Variants in OXCT2 observed in about 807,000 individuals in gnomAD.
The protein encoded by OXCT2 is succinyl-CoA:3-ketoacid coenzyme A transferase 2, mitochondrial.
For synonymous variants in OXCT2, 110 were observed against 298.4 expected, an observed-to-expected ratio of 0.37 and a Z score of 6.51; for missense variants, 317 against 695.7, an observed-to-expected ratio of 0.46 and a Z score of 6.12.
rs1649899740 is a variant in OXCT2, at chr1:39,770,637, A to G, written c.619T>C (p.Phe207Leu). 1 of 1,549,520 alleles carries G rather than the reference A, an allele frequency of 6.5e-7. No homozygotes were observed. The highest frequency in any genetic ancestry group is 8.7e-7 in the Non-Finnish European group (1 of 1,145,856). Reference sequence around the variant, plus strand: ...GCCTTCCACCCTTTCACCAGGGCGAAGTCTGCCCGGATGGCGCGCTCCAAA... The same window carrying G: ...GCCTTCCACCCTTTCACCAGGGCGAGGTCTGCCCGGATGGCGCGCTCCAAA... Reference protein sequence around the residue: ...FLLERAIRADFALVKGWKADR... With the variant: ...FLLERAIRADLALVKGWKADR... Residue 207 changes from phenylalanine to leucine, a missense_variant, in exon 1 of 1, where the codon TTC becomes CTC. By Grantham distance (22) the Phe-to-Leu change is conservative. Coordinates refer to ENST00000327582, the MANE Select transcript of OXCT2 (RefSeq NM_022120.2).
At position 39,771,152 on chromosome 1, in the gene OXCT2, C is replaced by T. The variant is rs1207251299; in HGVS notation, c.104G>A (p.Ser35Asn). The change falls in exon 1 of 1, where the codon AGT (serine) becomes AAT (asparagine). Residue 35 changes from serine to asparagine, a missense_variant. By Grantham distance (46) the Ser-to-Asn change is conservative. Coordinates refer to ENST00000327582, the MANE Select transcript of OXCT2 (RefSeq NM_022120.2). ...SQGCARCFAT[S>N]PRLRAKFYAD... ...GTAGAACTTGGCACGGAGCCGGGGA[C>T]TGGTGGCAAAGCAGCGGGCGCAGCC... is the stretch of plus-strand genomic sequence containing the variant. 3 of 1,556,100 alleles carry T rather than the reference C, an allele frequency of 1.9e-6. 1 individual carries two copies. The highest frequency in any genetic ancestry group is 2.6e-6 in the Non-Finnish European group (3 of 1,139,844).
rs775569937 is a variant in OXCT2 at position 39,770,090 on chromosome 1, C to G, written c.1166G>C (p.Gly389Ala). The stretch of plus-strand genomic sequence containing the variant: ...TCCAAGCATGGTTAGTTGGATGTGT[C>G]CCCCTCGGATCATGGCGAAGGAGTC... ...SDDSFAMIRGGHIQLTMLGAM... is the reference protein window; with the variant it reads ...SDDSFAMIRGAHIQLTMLGAM... Residue 389 changes from glycine to alanine, a missense_variant, in exon 1 of 1, where the codon GGA becomes GCA. Transcript: ENST00000327582. 2 of 1,221,306 alleles carry G rather than the reference C, an allele frequency of 1.6e-6. No homozygotes were observed. Among genetic ancestry groups the G allele is most frequent in the Admixed American group, 2.4e-5 (1 of 41,602 alleles). 75.7% of individuals were successfully genotyped at this position (1,221,306 alleles called of 1,614,324 possible).
chr1:39,770,513 A>T lies in OXCT2; in HGVS notation c.743T>A (p.Ile248Asn), dbSNP rs774478441. 5.6e-6 allele frequency: 9 copies of T among 1,610,302 alleles called. No individual in the cohort carries two copies. The South Asian group carries it at 8.8e-5, about 16-fold the overall frequency. Reference protein sequence around the residue: ...ADVTAVEVEEIVEVGAFPPED... With the variant: ...ADVTAVEVEENVEVGAFPPED... Reference sequence around the variant, plus strand: ...TGGGGGGAAAGCCCCCACCTCCACGATCTCTTCCACCTCCACCGCCGTGAC... The same window carrying T: ...TGGGGGGAAAGCCCCCACCTCCACGTTCTCTTCCACCTCCACCGCCGTGAC... The change falls in exon 1 of 1, where the codon ATC becomes AAC. Residue 248 changes from isoleucine to asparagine, a missense_variant. Physicochemically the swap from Ile to Asn is moderately radical, Grantham distance 149 (BLOSUM62 -3). Transcript: ENST00000327582.
Position 39,770,181 on chromosome 1 carries a change from C to A in OXCT2, c.1075G>T (p.Asp359Tyr). ...PFPTEDEVDA[D>Y]LINAGKQTVT... is the part of the protein sequence containing the mutation. ...GTCTGCTTGCCTGCATTGATGAGGT[C>A]GGCATCCACCTCATCTTCCGTGGGA... Residue 359 changes from aspartate (D) to tyrosine (Y), a missense_variant, in exon 1 of 1, where the codon GAC (aspartate) becomes TAC (tyrosine). Physicochemically the swap from Asp to Tyr is radical, Grantham distance 160. Coordinates refer to ENST00000327582, the MANE Select transcript of OXCT2 (RefSeq NM_022120.2). 1.5e-6 allele frequency: 2 copies of A among 1,311,968 alleles called. No individual in the cohort carries two copies. Among genetic ancestry groups the A allele is most frequent in the South Asian group, 2.8e-5 (2 of 71,408 alleles). 81.3% of individuals were successfully genotyped at this position (1,311,968 alleles called of 1,614,324 possible).
In OXCT2 at chr1:39,770,846, G is replaced by A. The variant is rs1337710216; in HGVS notation, c.410C>T (p.Pro137Leu). The A allele has an allele frequency of 1.3e-6, 1 of 781,684 alleles. No individual in the cohort carries two copies. Among genetic ancestry groups the A allele is most frequent in the East Asian group, 2.8e-5 (1 of 36,260 alleles). 48.4% of individuals were successfully genotyped at this position (781,684 alleles called of 1,614,324 possible). ...LAGELELELT[P>L]QGTLAERIRA... Reference sequence around the variant, plus strand: ...GATGCGCTCGGCCAGGGTGCCCTGGGGCGTGAGCTCCAGCTCCAGCTCTCC... The same window carrying A: ...GATGCGCTCGGCCAGGGTGCCCTGGAGCGTGAGCTCCAGCTCCAGCTCTCC... The change falls in exon 1 of 1, where the codon CCC (proline) becomes CTC (leucine). Residue 137 changes from proline (P) to leucine (L), a missense_variant. Pro to Leu is a moderately conservative substitution (Grantham distance 98, BLOSUM62 -3). Coordinates refer to ENST00000327582, the MANE Select transcript of OXCT2 (RefSeq NM_022120.2).
rs1569819115 is a variant in OXCT2 at position 39,770,140 on chromosome 1, G to A, written c.1116C>T (p.Pro372=). 3 of 1,227,150 alleles carry A rather than the reference G, an allele frequency of 2.4e-6. No homozygotes were observed. Among genetic ancestry groups the A allele is most frequent in the Non-Finnish European group, 3.3e-6 (3 of 910,908 alleles). 76.0% of individuals were successfully genotyped at this position (1,227,150 alleles called of 1,614,324 possible). The part of the protein sequence containing the change: ...NAGKQTVTVL[P]GGCFFASDDS... ...CGTCGCTGGCGAAGAAGCAGCCCCC[G>A]GGAAGCACCGTGACCGTCTGCTTGC... Residue 372 remains proline, a synonymous_variant, in exon 1 of 1, where the codon CCC becomes CCT. Coordinates refer to ENST00000327582, the MANE Select transcript of OXCT2 (RefSeq NM_022120.2).
chr1:39,770,808 C>T lies in OXCT2; in HGVS notation c.448G>A (p.Ala150Thr), dbSNP rs1334229975. 1.3e-6 allele frequency: 1 copy of T among 799,976 alleles called. No individual in the cohort carries two copies. The highest frequency in any genetic ancestry group is 1.8e-6 in the Non-Finnish European group (1 of 541,480). The allele number at this position is 799,976 out of a possible 1,614,324, so 49.6% of individuals were successfully genotyped here. Residue 150 changes from alanine to threonine, a missense_variant, in exon 1 of 1, where the codon GCC (alanine) becomes ACC (threonine). Ala to Thr is a moderately conservative substitution (Grantham distance 58). Transcript: ENST00000327582. ...GGGGTGTAGAAGGCGGGCACCCCGG[C>T]GCCCCCCGCGCGGATGCGCTCGGCC... ...TLAERIRAGG[A>T]GVPAFYTPTG...
chr1:39,770,375 T>A lies in OXCT2; in HGVS notation c.881A>T (p.Lys294Met), dbSNP rs751388707. The A allele has an allele frequency of 2.5e-6, 4 of 1,598,282 alleles. No individual in the cohort carries two copies. The highest frequency in any genetic ancestry group is 3.4e-6 in the Non-Finnish European group (4 of 1,176,202). The stretch of plus-strand genomic sequence containing the variant: ...GATGCGCGTCCTGGCGTCCTCTTCC[T>A]TTCCAGCGTCTCCATCTTCCTCTTT... Reference protein sequence around the residue: ...ILKEEDGDAGKEEDARTRIIR... With the variant: ...ILKEEDGDAGMEEDARTRIIR... The change falls in exon 1 of 1, where the codon AAG (lysine) becomes ATG (methionine). Residue 294 changes from lysine to methionine, a missense_variant. Lys to Met is a moderately conservative substitution (Grantham distance 95). Coordinates refer to ENST00000327582, the MANE Select transcript of OXCT2 (RefSeq NM_022120.2).
chr1:39,770,610 C>T lies in OXCT2; in HGVS notation c.646G>A (p.Asp216Asn), dbSNP rs768546307. The change falls in exon 1 of 1, where the codon GAC (aspartate) becomes AAC (asparagine). Residue 216 changes from aspartate to asparagine, a missense_variant. Physicochemically the swap from Asp to Asn is conservative, Grantham distance 23. Coordinates refer to ENST00000327582, the MANE Select transcript of OXCT2 (RefSeq NM_022120.2). ...DFALVKGWKA[D>N]RAGNVVFRRS... ...CTGAAGACCACGTTTCCTGCCCGGT[C>T]GGCCTTCCACCCTTTCACCAGGGCG... is the stretch of plus-strand genomic sequence containing the variant. 6.4e-5 allele frequency: 102 copies of T among 1,590,828 alleles called. 1 individual carries two copies. In the Admixed American group the frequency reaches 1.7e-3, roughly 27 times the overall value.
Position 39,770,454 on chromosome 1 carries a change from G to A in OXCT2, c.802C>T (p.Arg268Cys). The A allele has an allele frequency of 1.2e-6, 2 of 1,609,574 alleles. No homozygotes were observed. Among genetic ancestry groups the A allele is most frequent in the Non-Finnish European group, 1.7e-6 (2 of 1,179,146 alleles). ...DIHVPNIYVDRVIKGQKYEKR... is the reference protein window; with the variant it reads ...DIHVPNIYVDCVIKGQKYEKR... ...TCGTATTTCTGCCCCTTTATCACGC[G>A]ATCTACATAAATGTTAGGAACGTGG... is the stretch of plus-strand genomic sequence containing the variant. The change falls in exon 1 of 1, where the codon CGC becomes TGC. Residue 268 changes from arginine to cysteine, a missense_variant. Arg to Cys is a radical substitution (Grantham distance 180). Transcript: ENST00000327582.
chr1:39,770,378 C>G lies in OXCT2; in HGVS notation c.878G>C (p.Gly293Ala), dbSNP rs1649871997. 6.3e-7 allele frequency: 1 copy of G among 1,598,496 alleles called. No homozygotes were observed. The highest frequency in any genetic ancestry group is 1.5e-5 in the African/African-American group (1 of 67,664). The change falls in exon 1 of 1, where the codon GGA becomes GCA. Residue 293 changes from glycine to alanine, a missense_variant. By Grantham distance (60) the Gly-to-Ala change is moderately conservative (BLOSUM62 0). Transcript: ENST00000327582. Reference sequence around the variant, plus strand: ...GCGCGTCCTGGCGTCCTCTTCCTTTCCAGCGTCTCCATCTTCCTCTTTCAG... The same window carrying G: ...GCGCGTCCTGGCGTCCTCTTCCTTTGCAGCGTCTCCATCTTCCTCTTTCAG... ...TILKEEDGDA[G>A]KEEDARTRII...
At position 39,770,111 on chromosome 1, in the gene OXCT2, G is replaced by C; in HGVS notation, c.1145C>G (p.Ser382Cys). The C allele has an allele frequency of 8.2e-7, 1 of 1,215,158 alleles. No individual in the cohort carries two copies. Among genetic ancestry groups the C allele is most frequent in the Non-Finnish European group, 1.1e-6 (1 of 899,586 alleles). 75.3% of individuals were successfully genotyped at this position (1,215,158 alleles called of 1,614,324 possible). Residue 382 changes from serine (S) to cysteine (C), a missense_variant, in exon 1 of 1, where the codon TCC becomes TGC. Ser to Cys is a moderately radical substitution (Grantham distance 112). Transcript: ENST00000327582. Reference protein sequence around the residue: ...PGGCFFASDDSFAMIRGGHIQ... With the variant: ...PGGCFFASDDCFAMIRGGHIQ... ...GTGTCCCCCTCGGATCATGGCGAAGGAGTCGTCGCTGGCGAAGAAGCAGCC... is the reference window on the plus strand; with the variant it reads ...GTGTCCCCCTCGGATCATGGCGAAGCAGTCGTCGCTGGCGAAGAAGCAGCC...
Position 39,771,159 on chromosome 1 carries a change from C to G in OXCT2, c.97G>C (p.Ala33Pro), listed in dbSNP as rs1429539839. Residue 33 changes from alanine to proline, a missense_variant, in exon 1 of 1, where the codon GCC becomes CCC. Coordinates refer to ENST00000327582, the MANE Select transcript of OXCT2 (RefSeq NM_022120.2). Reference protein sequence around the residue: ...ALSQGCARCFATSPRLRAKFY... With the variant: ...ALSQGCARCFPTSPRLRAKFY... ...TTGGCACGGAGCCGGGGACTGGTGG[C>G]AAAGCAGCGGGCGCAGCCCTGGGAC... 6.4e-7 allele frequency: 1 copy of G among 1,554,908 alleles called. No individual in the cohort carries two copies.
In OXCT2 at chr1:39,769,619, A is replaced by T. The variant is rs1349514398; in HGVS notation, c.*83T>A. On this transcript the variant is annotated 3_prime_UTR_variant, in exon 1 of 1. Coordinates refer to ENST00000327582, the MANE Select transcript of OXCT2 (RefSeq NM_022120.2). Reference sequence around the variant, plus strand: ...AGGAGGCCAGTAGCAAACCCCTCCCAGAGCTGGGGACATGTATTCCCCTGG... The same window carrying T: ...AGGAGGCCAGTAGCAAACCCCTCCCTGAGCTGGGGACATGTATTCCCCTGG... 1.2e-5 allele frequency: 18 copies of T among 1,440,760 alleles called. No individual in the cohort carries two copies. The highest frequency in any genetic ancestry group is 2.9e-5 in the African/African-American group (2 of 69,192). 89.2% of individuals were successfully genotyped at this position (1,440,760 alleles called of 1,614,324 possible).
At position 39,770,650 on chromosome 1, in the gene OXCT2, G is replaced by C; in HGVS notation, c.606C>G (p.Ala202=). 6.6e-7 allele frequency: 1 copy of C among 1,518,424 alleles called. No homozygotes were observed. The highest frequency in any genetic ancestry group is 8.9e-7 in the Non-Finnish European group (1 of 1,126,514). The allele number at this position is 1,518,424 out of a possible 1,614,324, so 94.1% of individuals were successfully genotyped here. A position where few individuals can be genotyped will look rare whatever the true frequency, so the allele number is the denominator to read the frequency against. ...FNGDHFLLER[A]IRADFALVKG... The stretch of plus-strand genomic sequence containing the variant: ...TCACCAGGGCGAAGTCTGCCCGGAT[G>C]GCGCGCTCCAAAAGGAAGTGGTCGC... The change falls in exon 1 of 1, where the codon GCC becomes GCG. Residue 202 remains alanine, a synonymous_variant. Coordinates refer to ENST00000327582, the MANE Select transcript of OXCT2 (RefSeq NM_022120.2).
At position 39,769,948 on chromosome 1, in the gene OXCT2, GACC is replaced by G; in HGVS notation, c.1305_1307del (p.Val436del). 6.3e-7 allele frequency: 1 copy of G among 1,578,610 alleles called. No individual in the cohort carries two copies. The highest frequency in any genetic ancestry group is 1.2e-5 in the South Asian group (1 of 86,870). On this transcript the variant is annotated inframe_deletion, in exon 1 of 1. Coordinates refer to ENST00000327582, the MANE Select transcript of OXCT2 (RefSeq NM_022120.2). ...TGTCCTTTGTGCAGTGCTGCATGGT[GACC>G]ACCACTCTGGTCTTCTGACTGGACA...
Position 39,770,558 on chromosome 1 carries a change from G to T in OXCT2, c.698C>A (p.Pro233His). The T allele has an allele frequency of 6.2e-7, 1 of 1,608,342 alleles. No individual in the cohort carries two copies. Among genetic ancestry groups the T allele is most frequent in the East Asian group, 2.3e-5 (1 of 43,800 alleles). Reference protein sequence around the residue: ...FRRSARNFNVPMCKAADVTAV... With the variant: ...FRRSARNFNVHMCKAADVTAV... ...CGTGACGTCTGCAGCTTTGCACATG[G>T]GCACGTTGAAATTGCGGGCGCTTCT... Residue 233 changes from proline to histidine, a missense_variant, in exon 1 of 1, where the codon CCC (proline) becomes CAC (histidine). Coordinates refer to ENST00000327582, the MANE Select transcript of OXCT2 (RefSeq NM_022120.2).
rs1309795957 is a variant in OXCT2, at chr1:39,770,851, GAGCTCC to G, written c.399_404del (p.Glu134_Leu135del). 3.3e-5 allele frequency: 26 copies of G among 787,632 alleles called. No homozygotes were observed. Among genetic ancestry groups the G allele is most frequent in the Non-Finnish European group, 4.8e-5 (25 of 525,460 alleles). 48.8% of individuals were successfully genotyped at this position (787,632 alleles called of 1,614,324 possible). A position where few individuals can be genotyped will look rare whatever the true frequency, so the allele number is the denominator to read the frequency against. On this transcript the variant is annotated inframe_deletion, in exon 1 of 1. Transcript: ENST00000327582. Reference sequence around the variant, plus strand: ...GCTCGGCCAGGGTGCCCTGGGGCGTGAGCTCCAGCTCCAGCTCTCCTGCCAGGTACT... The same window carrying G: ...GCTCGGCCAGGGTGCCCTGGGGCGTGAGCTCCAGCTCTCCTGCCAGGTACT...
In OXCT2 at chr1:39,770,431, G is replaced by C. The variant is rs781586596; in HGVS notation, c.825C>G (p.Tyr275Ter). 9.9e-6 allele frequency: 16 copies of C among 1,608,870 alleles called. No individual in the cohort carries two copies. Among genetic ancestry groups the C allele is most frequent in the South Asian group, 2.2e-5 (2 of 90,728 alleles). ...YVDRVIKGQK[Y>*]EKRIERLTIL... ...TCGTTAAGCGCTCAATTCGTTTCTCGTATTTCTGCCCCTTTATCACGCGAT... is the reference window on the plus strand; with the variant it reads ...TCGTTAAGCGCTCAATTCGTTTCTCCTATTTCTGCCCCTTTATCACGCGAT... Residue 275 changes from tyrosine (Y) to a stop codon, truncating the protein, a stop_gained, in exon 1 of 1, where the codon TAC becomes TAG. Transcript: ENST00000327582. LOFTEE classifies it low-confidence loss of function (END_TRUNC).
Sources: allele counts gnomAD v4.1 joint callset, GRCh38; gene constraint gnomAD v4.1.1; transcripts MANE v1.5; gene names NCBI Gene and HGNC (gene_info 2026-07-23, HGNC 2026-07-21).